CSMD1: variants seen among roughly 807,000 people sequenced by gnomAD.
CSMD1 encodes CUB and Sushi multiple domains 1.
CSMD1 carries 213 observed loss-of-function variants against 417.5 expected under a neutral mutation model. The observed-to-expected ratio is 0.51, with a 90% CI of 0.46 to 0.57. CSMD1 has a LOEUF of 0.57. CSMD1 is among the 20% of genes least tolerant of loss of function. The probability of loss-of-function intolerance (pLI) is 0.00; values close to 1 mark genes in which losing one functional copy is unlikely to be tolerated. For missense variants in CSMD1, 6,923 were observed against 4,529.7 expected, an observed-to-expected ratio of 1.53 and a Z score of -15.17; for synonymous variants, 2,862 against 1,736.8, an observed-to-expected ratio of 1.65 and a Z score of -16.11.
intron 29 of CSMD1, among the ~76,000 whole-genome samples, chr8:3,218,668 T>C (rs1331051972): frequency 3.3e-5 from 5 of 151,924 alleles, no homozygotes; most frequent in East Asian, 3.9e-4. Context: ...GGTCAGGAGA[T>C]CGAGACCAGC....
chr8:3,320,892 T>C (rs970055868), intron 23 of CSMD1, among the ~76,000 whole-genome samples: 1 of 152,216 alleles, frequency 6.6e-6, no homozygotes, highest in Admixed American at 6.5e-5. Flanking sequence ...CTGACATGCA[T>C]ATTCTGCACC....
intron 1 of CSMD1, among the ~76,000 whole-genome samples, chr8:4,681,491 T>C (rs1028634083): frequency 6.6e-6 from 1 of 152,162 alleles, no homozygotes. Context: ...GCACAAATGA[T>C]GTCTCAATAC....
chr8:4,922,210 G>A (rs545273373), intron 1 of CSMD1, among the ~76,000 whole-genome samples: 2 of 152,168 alleles, frequency 1.3e-5, no homozygotes, highest in East Asian at 1.9e-4. Flanking sequence ...GTGCATGTCT[G>A]TCTGTGTTTT....
At chr8:4,880,130 T>C (rs1276000651) in intron 1 of CSMD1, among the ~76,000 whole-genome samples, 1 of 152,118 alleles carries the variant, frequency 6.6e-6, no homozygotes, top group African/African-American at 2.4e-5. Context: ...TCTGCCACTT[T>C]CTGCTGGAAG....
At chr8:4,885,830 A>G (rs1341537422) in intron 1 of CSMD1, among the ~76,000 whole-genome samples, 1 of 151,994 alleles carries the variant, frequency 6.6e-6, no homozygotes, top group Admixed American at 6.6e-5. Context: ...TATATGTATT[A>G]TTTGTTGCTT....
At chr8:3,763,328 G>A (rs1294769094) in intron 5 of CSMD1, among the ~76,000 whole-genome samples, 1 of 152,118 alleles carries the variant, frequency 6.6e-6, no homozygotes, top group Non-Finnish European at 1.5e-5. Flanking sequence ...GGGCCCTGTG[G>A]GAGGTGTTGG....
intron 6 of CSMD1, among the ~76,000 whole-genome samples, chr8:3,741,594 A>G (rs1217280705): frequency 6.6e-6 from 1 of 152,242 alleles, no homozygotes; most frequent in Non-Finnish European, 1.5e-5. Flanking sequence ...TGTTTGTTAG[A>G]ACCTGAATTA....
At chr8:4,452,459 A>G (rs1585099697) in intron 2 of CSMD1, among the ~76,000 whole-genome samples, 1 of 152,226 alleles carries the variant, frequency 6.6e-6, no homozygotes, top group Admixed American at 6.5e-5. Context: ...CCTGTCAGGC[A>G]TTACCCACTC....
intron 9 of CSMD1, among the ~76,000 whole-genome samples, chr8:3,585,527 G>A (rs920118439): frequency 6.6e-6 from 1 of 151,964 alleles, no homozygotes; most frequent in Non-Finnish European, 1.5e-5. Context: ...TATGATTTCT[G>A]TAATTCTGGT....
chr8:4,487,226 G>C (rs1222139453), intron 2 of CSMD1, among the ~76,000 whole-genome samples: 1 of 152,000 alleles, frequency 6.6e-6, no homozygotes, highest in Admixed American at 6.6e-5. Context: ...CAATGTGCCG[G>C]TTTGTTACAT....
At chr8:4,622,805 A>G (rs981091803) in intron 2 of CSMD1, among the ~76,000 whole-genome samples, 1 of 152,184 alleles carries the variant, frequency 6.6e-6, no homozygotes, top group African/African-American at 2.4e-5. Context: ...AAGAAGGCAC[A>G]AAAGGGAAAG....
At chr8:3,216,044 T>C (rs1797863001) in intron 29 of CSMD1, among the ~76,000 whole-genome samples, 1 of 148,918 alleles carries the variant, frequency 6.7e-6, no homozygotes, top group Admixed American at 6.7e-5. Flanking sequence ...TGATTAAATC[T>C]ATATTAATAT....
intron 5 of CSMD1, among the ~76,000 whole-genome samples, chr8:3,772,554 TATATACATA>T (rs1798665680): frequency 4.5e-5 from 5 of 110,848 alleles, no homozygotes; most frequent in East Asian, 2.5e-4. Context: ...CATATATACA[TATATACATA>T]TATATACATA....
chr8:4,414,599 T>C (rs1796825756), intron 3 of CSMD1, among the ~76,000 whole-genome samples: 1 of 143,344 alleles, frequency 7.0e-6, no homozygotes, highest in South Asian at 2.2e-4. Context: ...AATTCAGTGA[T>C]TTTTTTTAAA....
chr8:3,472,416 A>T (rs945771370), intron 11 of CSMD1, among the ~76,000 whole-genome samples: 2 of 152,096 alleles, frequency 1.3e-5, no homozygotes, highest in African/African-American at 4.8e-5. Flanking sequence ...GGACAACATG[A>T]TTGGTACTCT....
At chr8:3,078,544 T>C (rs777440540) in intron 49 of CSMD1, among the ~76,000 whole-genome samples, 2 of 152,224 alleles carry the variant, frequency 1.3e-5, no homozygotes, top group Non-Finnish European at 2.9e-5. Context: ...TGATCCTGGG[T>C]TGGCAGACTA....
At chr8:4,007,917 T>C (rs554542804) in intron 4 of CSMD1, among the ~76,000 whole-genome samples, 42 of 152,316 alleles carry the variant, frequency 2.8e-4, no homozygotes, top group African/African-American at 9.9e-4. Context: ...AAAAGTAGTC[T>C]ATAAAAACTG....
At chr8:3,592,250 T>C (rs56658936) in intron 8 of CSMD1, among the ~76,000 whole-genome samples, 35,950 of 152,020 alleles carry the variant, frequency 0.24, 4,410 homozygotes, top group Admixed American at 0.26. Flanking sequence ...TAGATAGCTA[T>C]AGAAAGACAG....
rs117262396 is a variant in CSMD1 at position 4,799,052 on chromosome 8, G to A, written c.86-161494C>T. Among the ~76,000 whole-genome samples the A allele has an allele frequency of 4.2e-3, 647 of 152,312 alleles. 3 individuals carry two copies. The highest frequency in any genetic ancestry group is 7.5e-3 in the Non-Finnish European group (510 of 68,032). ...TTCCAGCAGGAGCGTGGGCTGGTGA[G>A]GACAGAGGTCAGGGCTTGCATTGGC... On this transcript the variant is annotated intron_variant, in intron 1 of 69. Coordinates refer to ENST00000635120, the MANE Select transcript of CSMD1 (RefSeq NM_033225.6).
Sources: allele counts gnomAD v4.1 joint callset (sites outside exome capture counted in the v4.1 genomes callset), GRCh38; gene constraint gnomAD v4.1.1; transcripts MANE v1.5; gene names NCBI Gene and HGNC (gene_info 2026-07-23, HGNC 2026-07-21).